Variants in RAMP1 observed in about 807,000 individuals in gnomAD.
The protein encoded by RAMP1 is receptor activity-modifying protein 1.
RAMP1 carries 7 observed loss-of-function variants against 8.2 expected under a neutral mutation model. That is an observed-to-expected ratio of 0.85 (90% CI 0.49 to 1.60). The LOEUF (loss-of-function observed/expected upper bound fraction) is 1.60, where lower values mean the gene tolerates loss of function less well. Ranked by LOEUF, RAMP1 falls within the 40% of genes most tolerant of loss-of-function variation. The probability of loss-of-function intolerance (pLI) is 0.00; values close to 1 mark genes in which losing one functional copy is unlikely to be tolerated. For missense variants in RAMP1, 192 were observed against 202.4 expected (o/e 0.95, Z 0.31); for synonymous variants, 92 against 84.7 (o/e 1.09, Z -0.47).
intron 2 of RAMP1, among the ~76,000 whole-genome samples, chr2:237,904,129 T>C (rs1263332655): frequency 2.6e-5 from 4 of 152,220 alleles, no homozygotes; most frequent in Non-Finnish European, 5.9e-5. Context: ...AGAAGAAATA[T>C]TGGGCCGGGC....
In RAMP1 at chr2:237,911,681, C is replaced by A. The variant is rs779913798; in HGVS notation, c.345C>A (p.Pro115=). ...CAGGCAGGGCCGTGCGGGACCCGCCCGGCAGCATCCTCTACCCCTTCATCG... is the reference window on the plus strand; with the variant it reads ...CAGGCAGGGCCGTGCGGGACCCGCCAGGCAGCATCCTCTACCCCTTCATCG... The part of the protein sequence containing the change: ...PISGRAVRDP[P]GSILYPFIVV... The change falls in exon 3 of 3, where the codon CCC becomes CCA. Residue 115 remains proline, a synonymous_variant. Coordinates refer to ENST00000254661, the MANE Select transcript of RAMP1 (RefSeq NM_005855.4). 5 of 1,613,414 alleles carry A rather than the reference C, an allele frequency of 3.1e-6. No homozygotes were observed. Among genetic ancestry groups the A allele is most frequent in the Admixed American group, 1.7e-5 (1 of 60,022 alleles).
chr2:237,892,759 T>C (rs999383839), intron 2 of RAMP1, among the ~76,000 whole-genome samples: 11 of 137,100 alleles, frequency 8.0e-5, no homozygotes, highest in Non-Finnish European at 1.8e-4. Flanking sequence ...CTCTCTCTCT[T>C]CTCCATCCTT....
intron 1 of RAMP1, among the ~76,000 whole-genome samples, chr2:237,861,422 C>A (rs10194051): frequency 0.042 from 6,342 of 152,252 alleles, 416 homozygotes; most frequent in African/African-American, 0.14. Context: ...CTAGCCAGGT[C>A]TCCTTGGTGA....
intron 1 of RAMP1, among the ~76,000 whole-genome samples, chr2:237,860,780 G>A (rs2062126364): frequency 6.6e-6 from 1 of 152,192 alleles, no homozygotes; most frequent in African/African-American, 2.4e-5. Context: ...GACCACCGGC[G>A]CTGTTGTAGC....
Position 237,877,971 on chromosome 2 carries a change from G to A in RAMP1, c.191+609G>A, listed in dbSNP as rs867812412. The A allele has an allele frequency of 8.8e-5, 87 of 985,414 alleles. No homozygotes were observed. In the Middle Eastern group the frequency reaches 2.1e-3, roughly 24 times the overall value. 61.0% of individuals were successfully genotyped at this position (985,414 alleles called of 1,614,324 possible). On this transcript the variant is annotated intron_variant, in intron 2 of 2. Transcript: ENST00000254661. This position sits in a 1 kb window ranked among gnomAD's most constrained non-coding sequence, Gnocchi z 4.4. ...CTGGGTGCTGGGCCCCCATCAGCAG[G>A]CCGGGGGGTTCTCCCCAGCAGGCCC...
At chr2:237,872,301 C>T (rs145855162) in intron 1 of RAMP1, among the ~76,000 whole-genome samples, 144 of 152,342 alleles carry the variant, frequency 9.5e-4, no homozygotes, top group Middle Eastern at 3.4e-3. Context: ...TTGCCAAAGT[C>T]GTCCACTCAG....
intron 2 of RAMP1, among the ~76,000 whole-genome samples, chr2:237,885,611 C>T (rs1046889872): frequency 6.6e-6 from 1 of 152,216 alleles, no homozygotes; most frequent in Non-Finnish European, 1.5e-5. Context: ...GATGGCAGTG[C>T]CCAGCACAGC....
At chr2:237,897,777 T>TG (rs11404748) in intron 2 of RAMP1, among the ~76,000 whole-genome samples, 58,093 of 138,646 alleles carry the variant, frequency 0.42, 12,132 homozygotes, top group East Asian at 0.54. Flanking sequence ...TTTGGTTTTT[T>TG]GGGGGGGGGT....
At position 237,906,098 on chromosome 2, in the gene RAMP1, G is replaced by A. The variant is rs535252405; in HGVS notation, c.192-5430G>A. 8.6e-5 allele frequency among the ~76,000 whole-genome samples: 13 copies of A among 151,336 alleles called. No homozygotes were observed. In the East Asian group the frequency reaches 1.9e-3, roughly 23 times the overall value. Reference sequence around the variant, plus strand: ...ACTTGGTTTTCAGCAACAATAACACGTCTAACATTTACCATGGACCGGCCA... The same window carrying A: ...ACTTGGTTTTCAGCAACAATAACACATCTAACATTTACCATGGACCGGCCA... On this transcript the variant is annotated intron_variant, in intron 2 of 2. Transcript: ENST00000254661.
chr2:237,863,022 G>A (rs1044722376), intron 1 of RAMP1, among the ~76,000 whole-genome samples: 2 of 152,176 alleles, frequency 1.3e-5, no homozygotes, highest in African/African-American at 2.4e-5. Flanking sequence ...GACCCATAAC[G>A]TTTGAGATGG....
chr2:237,904,293 C>T (rs1308429063), intron 2 of RAMP1, among the ~76,000 whole-genome samples: 1 of 151,800 alleles, frequency 6.6e-6, no homozygotes, highest in African/African-American at 2.4e-5. Flanking sequence ...GTGGCGGGCA[C>T]CTGTAGTCCC....
chr2:237,875,875 C>A (rs1435620625), intron 1 of RAMP1, among the ~76,000 whole-genome samples: 9 of 152,270 alleles, frequency 5.9e-5, no homozygotes, highest in Admixed American at 2.6e-4. Context: ...CGCCCTCCCC[C>A]AGGTGCACCT....
At chr2:237,905,060 T>C (rs867237110) in intron 2 of RAMP1, among the ~76,000 whole-genome samples, 1 of 152,056 alleles carries the variant, frequency 6.6e-6, no homozygotes, top group Non-Finnish European at 1.5e-5. Flanking sequence ...TGCTGGAAAC[T>C]CCCACCATAG....
chr2:237,869,163 C>T (rs1036413432), intron 1 of RAMP1, among the ~76,000 whole-genome samples: 31 of 152,298 alleles, frequency 2.0e-4, no homozygotes, highest in Admixed American at 5.9e-4. Context: ...CGTGTTGCTG[C>T]GTGTTCACGC....
At chr2:237,866,466 C>T (rs1039724518) in intron 1 of RAMP1, among the ~76,000 whole-genome samples, 1 of 152,108 alleles carries the variant, frequency 6.6e-6, no homozygotes, top group African/African-American at 2.4e-5. Flanking sequence ...GTTCTCCAGT[C>T]GTACTGTGTT....
intron 2 of RAMP1, among the ~76,000 whole-genome samples, chr2:237,886,971 G>T (rs905082240): frequency 6.6e-6 from 1 of 152,172 alleles, no homozygotes; most frequent in Non-Finnish European, 1.5e-5. Context: ...CCCCCAGAAA[G>T]CCCTAGAACC....
At position 237,871,093 on chromosome 2, in the gene RAMP1, C is replaced by T. The variant is rs1252589680; in HGVS notation, c.53-6131C>T. On this transcript the variant is annotated intron_variant, in intron 1 of 2. Coordinates refer to ENST00000254661, the MANE Select transcript of RAMP1 (RefSeq NM_005855.4). ...GGAACAACCCGGCCCTGGCCCACGG[C>T]CCCGAGGACCTTTCCTCTTCTCGCA... Among the ~76,000 whole-genome samples the T allele has an allele frequency of 2.6e-5, 4 of 152,208 alleles. No individual in the cohort carries two copies. In the East Asian group the frequency reaches 7.7e-4, roughly 29 times the overall value.
At chr2:237,890,360 C>T (rs535688940) in intron 2 of RAMP1, among the ~76,000 whole-genome samples, 158 of 152,164 alleles carry the variant, frequency 1.0e-3, no homozygotes, top group Non-Finnish European at 1.9e-3. Context: ...CACCACCACG[C>T]CTGGCTAATT....
intron 2 of RAMP1, among the ~76,000 whole-genome samples, chr2:237,910,028 C>T (rs1158684578): frequency 6.6e-6 from 1 of 152,180 alleles, no homozygotes; most frequent in Admixed American, 6.5e-5. Context: ...ACCTCCACTC[C>T]CTTCCTTCTA....
Sources: gnomAD v4.1 joint callset for allele counts (sites outside exome capture counted in the v4.1 genomes callset) on GRCh38, gnomAD v4.1.1 for gene constraint, Gnocchi (gnomAD v3.1) non-coding constraint, MANE v1.5 for transcripts, NCBI Gene and HGNC (gene_info 2026-07-23, HGNC 2026-07-21) for gene names.